CCDC88A: variants seen among roughly 807,000 people sequenced by gnomAD.
CCDC88A encodes coiled-coil and HOOK domain protein 88A, also known as girdin.
In CCDC88A, 54 loss-of-function variants were observed where a neutral mutation model predicts 234.3. The ratio of observed to expected loss-of-function variants is 0.23; its 90% CI spans 0.19 to 0.29. CCDC88A has a LOEUF of 0.29. CCDC88A is among the 10% of genes least tolerant of loss of function. CCDC88A has a pLI of 1.00. For synonymous variants in CCDC88A, 753 were observed against 737.8 expected (o/e 1.02, Z -0.33); for missense variants, 1,832 against 2,123.4 (o/e 0.86, Z 2.70).
intron 2 of CCDC88A, among the ~76,000 whole-genome samples, chr2:55,413,679 C>G (rs1305123287): frequency 6.6e-6 from 1 of 152,156 alleles, no homozygotes; most frequent in South Asian, 2.1e-4. Context: ...TCAATAGAGT[C>G]AAGCAAAGAG....
chr2:55,333,900 A>G (rs942192899), intron 15 of CCDC88A, among the ~76,000 whole-genome samples, 194 bp downstream of exon 15: 2 of 152,074 alleles, frequency 1.3e-5, no homozygotes, highest in Non-Finnish European at 2.9e-5. Context: ...AATTCTTTTA[A>G]AAATACAATT....
In CCDC88A at chr2:55,399,096, C is replaced by A. The variant is rs745663562; in HGVS notation, c.165-10210G>T. On this transcript the variant is annotated intron_variant, in intron 2 of 32. Transcript: ENST00000436346. Reference sequence around the variant, plus strand: ...TAGAAAGATAGGGTAAGAAGAAATACAGGAGCATAAAAAAGATAAAATCTT... The same window carrying A: ...TAGAAAGATAGGGTAAGAAGAAATAAAGGAGCATAAAAAAGATAAAATCTT... Among the ~76,000 whole-genome samples, 16 of 152,000 alleles carry A rather than the reference C, an allele frequency of 1.1e-4. 1 individual carries two copies. The highest frequency in any genetic ancestry group is 4.4e-5 in the Non-Finnish European group (3 of 67,964).
chr2:55,401,568 AATT>A (rs1423244844), intron 2 of CCDC88A, among the ~76,000 whole-genome samples: 2 of 7,070 alleles, frequency 2.8e-4, no homozygotes, highest in African/African-American at 3.9e-4. Flanking sequence ...CCCCCCCATA[AATT>A]CAAATTCAAT....
intron 17 of CCDC88A, among the ~76,000 whole-genome samples, chr2:55,325,513 C>T (rs938576396): frequency 3.9e-5 from 6 of 152,112 alleles, no homozygotes; most frequent in African/African-American, 1.4e-4. Context: ...AATCTGTATG[C>T]CTTTCATTTC....
At chr2:55,349,625 A>AAAT in intron 8 of CCDC88A, 26 bp from the exon 9 acceptor site, 2 of 1,515,792 alleles carry the variant, frequency 1.3e-6, no homozygotes, top group Non-Finnish European at 1.8e-6. Context: ...ATATTCATTA[A>AAAT]GTATACTATT....
chr2:55,377,741 C>T (rs1447190951), intron 3 of CCDC88A, among the ~76,000 whole-genome samples: 1 of 152,034 alleles, frequency 6.6e-6, no homozygotes, highest in South Asian at 2.1e-4. Context: ...TCCTGAGTAA[C>T]TGGGATTACA....
At chr2:55,305,859 T>G (rs1681486230) in intron 25 of CCDC88A, among the ~76,000 whole-genome samples, 2 of 139,976 alleles carry the variant, frequency 1.4e-5, no homozygotes, top group Admixed American at 1.3e-4. Context: ...AGACTCCATC[T>G]CTTAAAAAAA....
intron 8 of CCDC88A, among the ~76,000 whole-genome samples, chr2:55,353,168 T>C (rs903819547): frequency 6.6e-6 from 1 of 152,190 alleles, no homozygotes; most frequent in African/African-American, 2.4e-5. Context: ...TCAAGTTGTT[T>C]GGAATTTTAA....
chr2:55,326,160 C>G (rs778318881), intron 17 of CCDC88A, among the ~76,000 whole-genome samples: 9 of 142,224 alleles, frequency 6.3e-5, no homozygotes, highest in Non-Finnish European at 1.2e-4. Flanking sequence ...TACTTTCTTC[C>G]CTGTTTCTTC....
intron 2 of CCDC88A, among the ~76,000 whole-genome samples, chr2:55,410,718 TACAAAAA>T (rs933433574): frequency 2.0e-5 from 3 of 151,788 alleles, no homozygotes; most frequent in Admixed American, 6.6e-5. Context: ...ACTCTGCCTT[TACAAAAA>T]ACAAAAAACA....
At chr2:55,393,214 AT>A (rs951812931) in intron 2 of CCDC88A, among the ~76,000 whole-genome samples, 6 of 116,732 alleles carry the variant, frequency 5.1e-5, no homozygotes, top group African/African-American at 2.0e-4. Context: ...TGTGAAATGG[AT>A]TTTTTTTTCT....
chr2:55,417,373 T>G (rs900791449), intron 2 of CCDC88A: 1 of 152,024 alleles, frequency 6.6e-6, no homozygotes, highest in East Asian at 1.9e-4. Context: ...GTATCTACTG[T>G]AATGGCTACC....
chr2:55,389,979 T>G (rs1250429396), intron 2 of CCDC88A, among the ~76,000 whole-genome samples: 3 of 135,386 alleles, frequency 2.2e-5, no homozygotes, highest in African/African-American at 8.2e-5. Flanking sequence ...AGGCAGAGGT[T>G]GCAGTGAGCC....
chr2:55,330,539 A>G (rs1184164258), intron 16 of CCDC88A, among the ~76,000 whole-genome samples: 1 of 152,166 alleles, frequency 6.6e-6, no homozygotes. Context: ...ACTGATATAC[A>G]TAAATCCCAA....
intron 9 of CCDC88A, among the ~76,000 whole-genome samples, chr2:55,347,653 G>A (rs1275078089): frequency 8.1e-6 from 1 of 124,092 alleles, no homozygotes; most frequent in Non-Finnish European, 1.6e-5. Flanking sequence ...CTGTCACGCA[G>A]GCTGGAGTGC....
intron 2 of CCDC88A, among the ~76,000 whole-genome samples, chr2:55,412,910 ACTAAG>A (rs1680729738): frequency 6.6e-6 from 1 of 152,298 alleles, no homozygotes; most frequent in South Asian, 2.1e-4. Flanking sequence ...ATCATACAAA[ACTAAG>A]CTGTCGGCCA....
chr2:55,364,448 C>A lies in CCDC88A; in HGVS notation c.403-415G>T, dbSNP rs558078052. On this transcript the variant is annotated intron_variant, in intron 5 of 32. Coordinates refer to ENST00000436346, the MANE Select transcript of CCDC88A (RefSeq NM_001365480.1). ...ATGCTCAGTCAGTCCCTGACTATTA[C>A]CAAACAACACAGCCTTTCTTCTTGG... is the stretch of plus-strand genomic sequence containing the variant. 1.4e-4 allele frequency among the ~76,000 whole-genome samples: 22 copies of A among 152,160 alleles called. No homozygotes were observed. In the East Asian group the frequency reaches 4.0e-3, roughly 28 times the overall value.
intron 3 of CCDC88A, among the ~76,000 whole-genome samples, chr2:55,386,060 TA>T (rs1675554669): frequency 6.7e-6 from 1 of 149,302 alleles, no homozygotes; most frequent in Non-Finnish European, 1.5e-5. Flanking sequence ...CTGTCTCTAC[TA>T]AAAATACAAA....
chr2:55,366,645 G>C (rs1672016504), intron 5 of CCDC88A, among the ~76,000 whole-genome samples: 1 of 151,950 alleles, frequency 6.6e-6, no homozygotes. Context: ...AGGTGGGTGG[G>C]AGAGATATGC....
Sources: gnomAD v4.1 joint callset for allele counts (sites outside exome capture counted in the v4.1 genomes callset) on GRCh38, gnomAD v4.1.1 for gene constraint, MANE v1.5 for transcripts, NCBI Gene and HGNC (gene_info 2026-07-23, HGNC 2026-07-21) for gene names.